Variants in PHKB observed in about 807,000 individuals in gnomAD.
The protein encoded by PHKB is phosphorylase kinase regulatory subunit beta.
A neutral mutation model predicts 152.1 loss-of-function variants in PHKB; 122 were observed. That is an observed-to-expected ratio of 0.80 (90% CI 0.69 to 0.93). The LOEUF is 0.93. Ranked by LOEUF, PHKB falls within the 40% of genes least tolerant of loss-of-function variation. The pLI, the probability that PHKB is intolerant of heterozygous loss-of-function variation, is 0.00. For missense variants in PHKB, 1,304 were observed against 1,328.4 expected, an observed-to-expected ratio of 0.98 and a Z score of 0.29; for synonymous variants, 436 against 464.9, an observed-to-expected ratio of 0.94 and a Z score of 0.80.
At position 47,696,321 on chromosome 16, in the gene PHKB, T is replaced by C; in HGVS notation, c.2896-60T>C. ...TAATGATTAGAAAATGAAATTCTTC[T>C]ATTAAATGAGAACCAGAGCATAACG... On this transcript the variant is annotated intron_variant, in intron 28 of 30. Transcript: ENST00000323584. The C allele has an allele frequency of 2.4e-5, 21 of 857,216 alleles. No homozygotes were observed. The South Asian group carries it at 2.7e-4, about 11-fold the overall frequency. The allele number at this position is 857,216 out of a possible 1,614,324, so 53.1% of individuals were successfully genotyped here. A position where few individuals can be genotyped will look rare whatever the true frequency, so the allele number is the denominator to read the frequency against.
chr16:47,469,437 A>C (rs944611800), intron 1 of PHKB, among the ~76,000 whole-genome samples: 1 of 152,240 alleles, frequency 6.6e-6, no homozygotes, highest in Non-Finnish European at 1.5e-5. Flanking sequence ...GAATGAAATC[A>C]TGTCCTTTGC....
At chr16:47,659,630 A>G (rs1973402064) in intron 20 of PHKB, among the ~76,000 whole-genome samples, 1 of 152,180 alleles carries the variant, frequency 6.6e-6, no homozygotes, top group Non-Finnish European at 1.5e-5. Context: ...TCAGAAACTT[A>G]TGGAAAATAA....
rs139277922 is a variant in PHKB at position 47,689,079 on chromosome 16, G to A, written c.2669G>A (p.Arg890His). 2.4e-5 allele frequency: 38 copies of A among 1,613,870 alleles called. No homozygotes were observed. The highest frequency in any genetic ancestry group is 6.7e-5 in the African/African-American group (5 of 74,904). ...IHAMEYELQI[R>H]GGDKPALDLY... ...GCCATGGAGTATGAACTTCAGATCC[G>A]TGGCGGAGACAAGCCAGCCTTGGAC... Residue 890 changes from arginine (R) to histidine (H), a missense_variant, in exon 27 of 31, where the codon CGT (arginine) becomes CAT (histidine). Transcript: ENST00000323584.
chr16:47,526,432 G>A (rs1459132724), intron 6 of PHKB, among the ~76,000 whole-genome samples: 4 of 151,594 alleles, frequency 2.6e-5, no homozygotes, highest in East Asian at 1.9e-4. Flanking sequence ...ATTATTCACC[G>A]TTGCTGATAA....
At chr16:47,541,490 A>G (rs1262696691) in intron 6 of PHKB, among the ~76,000 whole-genome samples, 2 of 152,236 alleles carry the variant, frequency 1.3e-5, no homozygotes, top group African/African-American at 2.4e-5. Flanking sequence ...AGCATGATTT[A>G]TAATCCTTTG....
chr16:47,698,249 A>G (rs1974185216), intron 29 of PHKB, among the ~76,000 whole-genome samples, 199 bp from the exon 30 acceptor site: 1 of 152,212 alleles, frequency 6.6e-6, no homozygotes, highest in Non-Finnish European at 1.5e-5. Flanking sequence ...AGGGATACAC[A>G]CAATGAAAAA....
intron 11 of PHKB, 72 bp from the exon 12 acceptor site, chr16:47,594,065 T>G: frequency 1.3e-6 from 1 of 783,764 alleles, no homozygotes. Flanking sequence ...GCTAATATAT[T>G]TTTTCTAAGG....
At chr16:47,685,164 C>T (rs998515583) in intron 26 of PHKB, among the ~76,000 whole-genome samples, 3 of 152,132 alleles carry the variant, frequency 2.0e-5, no homozygotes, top group Admixed American at 6.5e-5. Flanking sequence ...CAGTGGCTTA[C>T]GCCTGTAATC....
At chr16:47,503,160 G>A (rs1567282162) in intron 4 of PHKB, 70 bp downstream of exon 4, 2 of 1,031,928 alleles carry the variant, frequency 1.9e-6, no homozygotes, top group African/African-American at 1.6e-5. Context: ...GTATCGCAAT[G>A]GTTTCTTCTG....
At chr16:47,641,730 A>G in intron 16 of PHKB, 38 bp downstream of exon 16, 1 of 1,079,850 alleles carries the variant, frequency 9.3e-7, no homozygotes, top group South Asian at 1.2e-5. Context: ...TACTTTGTAG[A>G]GGTACTAGAG....
intron 1 of PHKB, among the ~76,000 whole-genome samples, chr16:47,496,074 A>G (rs1272347589): frequency 6.6e-6 from 1 of 151,978 alleles, no homozygotes; most frequent in Non-Finnish European, 1.5e-5. Context: ...CAGCAATTTT[A>G]TGAGCATAAA....
At chr16:47,534,956 G>A (rs1970925626) in intron 6 of PHKB, among the ~76,000 whole-genome samples, 1 of 152,138 alleles carries the variant, frequency 6.6e-6, no homozygotes, top group African/African-American at 2.4e-5. Flanking sequence ...AATAAGCTAA[G>A]GAGAAATGAC....
intron 7 of PHKB, among the ~76,000 whole-genome samples, chr16:47,556,388 T>C (rs568685235): frequency 2.0e-5 from 3 of 152,326 alleles, no homozygotes; most frequent in African/African-American, 7.2e-5. Context: ...CCATTCAGTA[T>C]GATATTGGCT....
intron 13 of PHKB, among the ~76,000 whole-genome samples, chr16:47,597,100 G>A (rs768024133): frequency 6.6e-6 from 1 of 152,192 alleles, no homozygotes; most frequent in Non-Finnish European, 1.5e-5. Flanking sequence ...CACAGAAAAA[G>A]CATTATGCAT....
chr16:47,595,749 A>G (rs969481703), intron 12 of PHKB, among the ~76,000 whole-genome samples: 1 of 152,180 alleles, frequency 6.6e-6, no homozygotes, highest in Non-Finnish European at 1.5e-5. Context: ...ATTAAAATTA[A>G]ATGTTGTTGA....
rs9925499 is a variant in PHKB, at chr16:47,553,449, A to G, written c.710+5901A>G. Among the ~76,000 whole-genome samples, 676 of 152,134 alleles carry G rather than the reference A, an allele frequency of 4.4e-3. 6 individuals carry two copies. The highest frequency in any genetic ancestry group is 0.015 in the African/African-American group (606 of 41,498). On this transcript the variant is annotated intron_variant, in intron 7 of 30. Coordinates refer to ENST00000323584, the MANE Select transcript of PHKB (RefSeq NM_000293.3). ...TAGCAATTCATCTAACCTGTTTTCA[A>G]AGTTGTTAGCTTCCTTGCATTTGGT...
chr16:47,550,603 C>G (rs548127033), intron 7 of PHKB, among the ~76,000 whole-genome samples: 1 of 152,168 alleles, frequency 6.6e-6, no homozygotes, highest in South Asian at 2.1e-4. Context: ...GCTGAAGTGA[C>G]TGGCTCTTCC....
chr16:47,652,571 T>C (rs906963642), intron 20 of PHKB, among the ~76,000 whole-genome samples: 1 of 152,096 alleles, frequency 6.6e-6, no homozygotes, highest in African/African-American at 2.4e-5. Flanking sequence ...TTTTGACTTT[T>C]AATACTAGCC....
chr16:47,554,316 T>A (rs376195030), intron 7 of PHKB, among the ~76,000 whole-genome samples: 1 of 152,176 alleles, frequency 6.6e-6, no homozygotes, highest in Non-Finnish European at 1.5e-5. Context: ...GTTTACACTG[T>A]GAGGGGAAAA....
Sources: allele counts gnomAD v4.1 joint callset (sites outside exome capture counted in the v4.1 genomes callset), GRCh38; gene constraint gnomAD v4.1.1; transcripts MANE v1.5; gene names NCBI Gene and HGNC (gene_info 2026-07-23, HGNC 2026-07-21).